Variants in NOL4 observed in about 807,000 individuals in gnomAD.
The protein encoded by NOL4 is nucleolar protein 4, also known as cancer/testis antigen 125.
Under a neutral mutation model 75.9 loss-of-function variants are expected in NOL4, and 17 were observed. The ratio of observed to expected loss-of-function variants is 0.22; its 90% CI spans 0.15 to 0.34. The LOEUF (loss-of-function observed/expected upper bound fraction) is 0.34. NOL4 is among the 10% of genes least tolerant of loss of function. The pLI, the probability that NOL4 is intolerant of heterozygous loss-of-function variation, is 1.00. For missense variants in NOL4, 614 were observed against 793.5 expected (o/e 0.77, Z 2.72); for synonymous variants, 292 against 289.9 (o/e 1.01, Z -0.07).
At chr18:34,059,517 A>G (rs1407604078) in intron 5 of NOL4, among the ~76,000 whole-genome samples, 2 of 152,024 alleles carry the variant, frequency 1.3e-5, no homozygotes, top group Non-Finnish European at 2.9e-5. Context: ...AGATTGATAG[A>G]TTATCTTCTT....
At chr18:33,907,323 C>CAAAA (rs35702916) in intron 9 of NOL4, among the ~76,000 whole-genome samples, 3 of 79,718 alleles carry the variant, frequency 3.8e-5, no homozygotes, top group Admixed American at 1.5e-4. Flanking sequence ...GACTCCATTT[C>CAAAA]AAAAAAAAAA....
chr18:33,951,763 T>C (rs1163604997), intron 8 of NOL4, among the ~76,000 whole-genome samples: 3 of 152,196 alleles, frequency 2.0e-5, no homozygotes, highest in South Asian at 2.1e-4. Context: ...TCAATGCTTA[T>C]AATGTCTGTC....
At chr18:33,940,300 C>A (rs2068378080) in intron 9 of NOL4, among the ~76,000 whole-genome samples, 1 of 152,064 alleles carries the variant, frequency 6.6e-6, no homozygotes, top group Non-Finnish European at 1.5e-5. Flanking sequence ...TTGGAGCCAA[C>A]AAATGCCCAT....
At chr18:33,958,165 C>T (rs2145737005) in intron 7 of NOL4, 74 bp downstream of exon 7, 20 of 1,322,762 alleles carry the variant, frequency 1.5e-5, no homozygotes, top group Non-Finnish European at 1.9e-5. Flanking sequence ...AAAATATCCA[C>T]ATTTACCAAC....
intron 1 of NOL4, among the ~76,000 whole-genome samples, chr18:34,133,129 G>T (rs1425875887): frequency 6.6e-6 from 1 of 151,882 alleles, no homozygotes; most frequent in African/African-American, 2.4e-5. Flanking sequence ...AAAATTAGCT[G>T]GGTGTGGTGG....
At chr18:33,920,205 A>G (rs528401599) in intron 9 of NOL4, among the ~76,000 whole-genome samples, 60 of 152,242 alleles carry the variant, frequency 3.9e-4, no homozygotes, top group African/African-American at 1.3e-3. Flanking sequence ...GAGAGAGACG[A>G]GACAGAAGGA....
chr18:34,075,839 G>A (rs1033119095), intron 5 of NOL4, among the ~76,000 whole-genome samples: 2 of 152,130 alleles, frequency 1.3e-5, no homozygotes, highest in East Asian at 3.9e-4. Context: ...TTTTGTATAT[G>A]AGTTGTATGT....
At chr18:33,946,227 A>G (rs959191712) in intron 8 of NOL4, among the ~76,000 whole-genome samples, 2 of 151,644 alleles carry the variant, frequency 1.3e-5, no homozygotes, top group African/African-American at 4.8e-5. Context: ...AATGTACTAT[A>G]TCTCAATAAT....
intron 6 of NOL4, chr18:34,001,682 T>C (rs902389626): frequency 6.6e-6 from 1 of 152,124 alleles, no homozygotes; most frequent in Non-Finnish European, 1.5e-5. Context: ...TTTCTTTTTT[T>C]ATTATTATTT....
At chr18:34,151,712 A>C (rs1461291156) in intron 1 of NOL4, among the ~76,000 whole-genome samples, 3 of 151,948 alleles carry the variant, frequency 2.0e-5, no homozygotes, top group Non-Finnish European at 2.9e-5. Flanking sequence ...GATTTTAATG[A>C]TATGCCAATG....
chr18:34,029,347 T>C (rs954698152), intron 5 of NOL4, among the ~76,000 whole-genome samples: 1 of 152,168 alleles, frequency 6.6e-6, no homozygotes, highest in African/African-American at 2.4e-5. Context: ...CCTGATTTTT[T>C]GAAGTAGCCC....
intron 9 of NOL4, among the ~76,000 whole-genome samples, chr18:33,940,147 T>C (rs1279139883): frequency 6.6e-6 from 1 of 152,046 alleles, no homozygotes; most frequent in Non-Finnish European, 1.5e-5. Flanking sequence ...AATGTGGCGA[T>C]TCTTCAAGGA....
chr18:33,926,627 A>G (rs2067347949), intron 9 of NOL4, among the ~76,000 whole-genome samples: 1 of 152,170 alleles, frequency 6.6e-6, no homozygotes, highest in Admixed American at 6.5e-5. Flanking sequence ...TTTGAGACGG[A>G]GTCTCGCTCT....
intron 6 of NOL4, among the ~76,000 whole-genome samples, chr18:33,976,159 G>C (rs1408212549): frequency 6.6e-6 from 1 of 152,132 alleles, no homozygotes; most frequent in Non-Finnish European, 1.5e-5. Flanking sequence ...GGGCTGGGGA[G>C]GGGCTAAGCT....
chr18:33,929,283 T>C (rs943618890), intron 9 of NOL4, among the ~76,000 whole-genome samples: 1 of 152,176 alleles, frequency 6.6e-6, no homozygotes, highest in African/African-American at 2.4e-5. Context: ...TTTTTGATAG[T>C]CAAGAGCCTC....
intron 6 of NOL4, among the ~76,000 whole-genome samples, chr18:33,996,821 C>T (rs1227233931): frequency 1.3e-5 from 2 of 151,764 alleles, no homozygotes; most frequent in South Asian, 2.1e-4. Context: ...TGATGGGAAC[C>T]TGGCTTGATT....
intron 6 of NOL4, among the ~76,000 whole-genome samples, chr18:34,000,700 A>T (rs1216416689): frequency 6.6e-6 from 1 of 152,108 alleles, no homozygotes; most frequent in Non-Finnish European, 1.5e-5. Flanking sequence ...AAAACTCTGG[A>T]CAGTGTAAGC....
intron 1 of NOL4, among the ~76,000 whole-genome samples, chr18:34,131,653 T>C (rs2080657055): frequency 6.6e-6 from 1 of 152,126 alleles, no homozygotes; most frequent in Non-Finnish European, 1.5e-5. Context: ...GTATTTATTG[T>C]TTATGGGAAT....
intron 6 of NOL4, among the ~76,000 whole-genome samples, chr18:33,997,686 T>C (rs1467712726): frequency 1.3e-5 from 2 of 148,394 alleles, no homozygotes; most frequent in African/African-American, 4.9e-5. Context: ...ATATACTTTA[T>C]ATATAAATAT....
Sources: gnomAD v4.1 joint callset for allele counts (sites outside exome capture counted in the v4.1 genomes callset) on GRCh38, gnomAD v4.1.1 for gene constraint, MANE v1.5 for transcripts, NCBI Gene and HGNC (gene_info 2026-07-23, HGNC 2026-07-21) for gene names.